The following UBAP2L variants were observed in gnomAD, a reference collection of about 807,000 sequenced individuals.
UBAP2L encodes ubiquitin-associated protein 2-like.
A neutral mutation model predicts 130.6 loss-of-function variants in UBAP2L; 12 were observed. That is an observed-to-expected ratio of 0.09 (90% CI 0.06 to 0.15). UBAP2L has a LOEUF of 0.15. Ranked by LOEUF, UBAP2L falls within the 10% of genes least tolerant of loss-of-function variation. The pLI, the probability that UBAP2L is intolerant of heterozygous loss-of-function variation, is 1.00. For synonymous variants in UBAP2L, 503 were observed against 524.7 expected, an observed-to-expected ratio of 0.96 and a Z score of 0.57; for missense variants, 965 against 1,332.5, an observed-to-expected ratio of 0.72 and a Z score of 4.29.
At chr1:154,256,342 A>C (rs1403364477) in intron 18 of UBAP2L, among the ~76,000 whole-genome samples, 3 of 152,314 alleles carry the variant, frequency 2.0e-5, no homozygotes, top group South Asian at 2.1e-4. Flanking sequence ...TTCAGATTTA[A>C]AGTCAGAATT....
At chr1:154,224,485 A>G (rs1667329507) in intron 1 of UBAP2L, among the ~76,000 whole-genome samples, 1 of 152,178 alleles carries the variant, frequency 6.6e-6, no homozygotes, top group Admixed American at 6.5e-5. Flanking sequence ...AAAAAAACAA[A>G]AAACCCCCAC....
Position 154,237,017 on chromosome 1 carries a change from T to G in UBAP2L, c.591-7T>G. 1 of 1,612,332 alleles carries G rather than the reference T, an allele frequency of 6.2e-7. No homozygotes were observed. Among genetic ancestry groups the G allele is most frequent in the Non-Finnish European group, 8.5e-7 (1 of 1,178,836 alleles). On this transcript the variant is annotated splice_polypyrimidine_tract_variant and splice_region_variant and intron_variant, in intron 7 of 26. Transcript: ENST00000428931. ...GGTCAGAGACTCTTAAGTTTTATTT[T>G]TTCCAGAACCTTTAACCCAGCTGAT...
At position 154,251,403 on chromosome 1, in the gene UBAP2L, TTAAAG is replaced by T. The variant is rs199803505; in HGVS notation, c.1492-77_1492-73del. ...AGATTAAAAGGGTAAGTTTGGAAATTTAAAGGGAAGGGTTTTTTTTAGTCTTTAGT... is the reference window on the plus strand; with the variant it reads ...AGATTAAAAGGGTAAGTTTGGAAATTGGAAGGGTTTTTTTTAGTCTTTAGT... On this transcript the variant is annotated intron_variant, in intron 13 of 26. Transcript: ENST00000428931. 1.2e-3 allele frequency: 1,855 copies of T among 1,574,754 alleles called. 24 individuals carry two copies. In the African/African-American group the frequency reaches 0.022, roughly 19 times the overall value.
At chr1:154,226,452 A>G (rs1345916158) in intron 2 of UBAP2L, among the ~76,000 whole-genome samples, 3 of 152,232 alleles carry the variant, frequency 2.0e-5, no homozygotes, top group Non-Finnish European at 4.4e-5. Flanking sequence ...CGAATATGTA[A>G]GATTAGGACA....
chr1:154,260,069 A>G, intron 22 of UBAP2L, 40 bp downstream of exon 22: 2 of 1,598,054 alleles, frequency 1.3e-6, no homozygotes, highest in Non-Finnish European at 1.7e-6. Context: ...AAAGGGAGAT[A>G]GTGTTGGGAT....
rs769086819 is a variant in UBAP2L, at chr1:154,255,250, A to G, written c.2008A>G (p.Asn670Asp). The G allele has an allele frequency of 1.2e-6, 2 of 1,614,222 alleles. No individual in the cohort carries two copies. Among genetic ancestry groups the G allele is most frequent in the East Asian group, 2.2e-5 (1 of 44,884 alleles). The change falls in exon 17 of 27, where the codon AAT becomes GAT. Residue 670 changes from asparagine to aspartate, a missense_variant. By Grantham distance (23) the Asn-to-Asp change is conservative. Transcript: ENST00000428931. Reference sequence around the variant, plus strand: ...TGCAGCTTCCTTACTGACGACAACCAATCAGCATTCATCCTCCTTGGGTGG... The same window carrying G: ...TGCAGCTTCCTTACTGACGACAACCGATCAGCATTCATCCTCCTTGGGTGG... ...VSAASLLTTT[N>D]QHSSSLGGLS...
chr1:154,265,520 G>A (rs1200037040), intron 24 of UBAP2L, among the ~76,000 whole-genome samples: 6 of 152,042 alleles, frequency 3.9e-5, no homozygotes, highest in Non-Finnish European at 8.8e-5. Context: ...TCACATCTTT[G>A]TTTCAAAATG....
rs565118879 is a variant in UBAP2L, at chr1:154,269,449, C to T, written c.3168+495C>T. 4 of 1,300,244 alleles carry T rather than the reference C, an allele frequency of 3.1e-6. No homozygotes were observed. In the African/African-American group the frequency reaches 6.1e-5, roughly 20 times the overall value. 80.5% of individuals were successfully genotyped at this position (1,300,244 alleles called of 1,614,324 possible). On this transcript the variant is annotated intron_variant, in intron 26 of 26. Coordinates refer to ENST00000428931, the MANE Select transcript of UBAP2L (RefSeq NM_014847.4). ...GAATGATCATATGCTTGAACCCACT[C>T]CTTTTCAGTCCCCATTTCACCTTCA...
chr1:154,238,048 C>G (rs750698803), intron 8 of UBAP2L, among the ~76,000 whole-genome samples: 50 of 152,138 alleles, frequency 3.3e-4, no homozygotes, highest in Non-Finnish European at 5.7e-4. Flanking sequence ...GACTCCTTAC[C>G]TGTTTAAATT....
At chr1:154,257,553 A>G (rs1278709180) in intron 20 of UBAP2L, 119 bp downstream of exon 20, 1 of 1,046,960 alleles carries the variant, frequency 9.6e-7, no homozygotes, top group Non-Finnish European at 1.4e-6. Flanking sequence ...CAAGCCCTGC[A>G]GTTGGCTCTG....
At position 154,234,551 on chromosome 1, in the gene UBAP2L, C is replaced by T. The variant is rs762909916; in HGVS notation, c.280-40C>T. 10 of 1,607,570 alleles carry T rather than the reference C, an allele frequency of 6.2e-6. No homozygotes were observed. In the South Asian group the frequency reaches 1.1e-4, roughly 18 times the overall value. ...TTTCATCTCTAGTGTCCTGATAGCA[C>T]TCCATATTGATTAGATATGAATGCT... On this transcript the variant is annotated intron_variant, in intron 4 of 26. Coordinates refer to ENST00000428931, the MANE Select transcript of UBAP2L (RefSeq NM_014847.4).
rs1216331186 is a variant in UBAP2L at position 154,246,204 on chromosome 1, A to G, written c.843A>G (p.Arg281=). 1.2e-6 allele frequency: 2 copies of G among 1,606,398 alleles called. No individual in the cohort carries two copies. Among genetic ancestry groups the G allele is most frequent in the Non-Finnish European group, 8.5e-7 (1 of 1,174,250 alleles). The change falls in exon 11 of 27, where the codon AGA becomes AGG. Residue 281 remains arginine (R), a splice_region_variant and synonymous_variant. Transcript: ENST00000428931. The part of the protein sequence containing the change: ...AENVTITAGQ[R]IDLAVLLGKT... Reference sequence around the variant, plus strand: ...GAAGATCCCTTCCCTTCCCCATTAGAATTGACCTTGCTGTTCTGCTGGGGA... The same window carrying G: ...GAAGATCCCTTCCCTTCCCCATTAGGATTGACCTTGCTGTTCTGCTGGGGA...
chr1:154,235,552 C>T (rs1671381004), intron 6 of UBAP2L, among the ~76,000 whole-genome samples: 1 of 152,080 alleles, frequency 6.6e-6, no homozygotes, highest in African/African-American at 2.4e-5. Context: ...CACTGTCACC[C>T]AGGCTGGAGT....
rs565178440 is a variant in UBAP2L at position 154,260,746 on chromosome 1, T to G, written c.2579-146T>G. 9.0e-6 allele frequency: 7 copies of G among 776,274 alleles called. No homozygotes were observed. In the South Asian group the frequency reaches 1.1e-4, roughly 12 times the overall value. 48.1% of individuals were successfully genotyped at this position (776,274 alleles called of 1,614,324 possible). A position where few individuals can be genotyped will look rare whatever the true frequency, so the allele number is the denominator to read the frequency against. Reference sequence around the variant, plus strand: ...TAAGTGTATGCTGAGCAACAATAATTGGAGCCACTAAGAAATGTAATTCAA... The same window carrying G: ...TAAGTGTATGCTGAGCAACAATAATGGGAGCCACTAAGAAATGTAATTCAA... On this transcript the variant is annotated intron_variant, in intron 22 of 26. Transcript: ENST00000428931.
At chr1:154,266,706 G>A (rs1234392400) in intron 25 of UBAP2L, 138 bp downstream of exon 25, 1 of 886,910 alleles carries the variant, frequency 1.1e-6, no homozygotes. Flanking sequence ...CTAAATGAAA[G>A]GTCTTCTCTA....
upstream of UBAP2L, chr1:154,220,629 G>A: frequency 1.7e-6 from 1 of 591,348 alleles, no homozygotes; most frequent in African/African-American, 1.9e-5. Context: ...CGTGACTCAG[G>A]CAGGCAATGG....
Position 154,270,697 on chromosome 1 carries a change from C to G in UBAP2L, c.*402C>G. 7.1e-7 allele frequency: 1 copy of G among 1,403,792 alleles called. No individual in the cohort carries two copies. Among genetic ancestry groups the G allele is most frequent in the Non-Finnish European group, 9.2e-7 (1 of 1,086,016 alleles). The allele number at this position is 1,403,792 out of a possible 1,614,324, so 87.0% of individuals were successfully genotyped here. The stretch of plus-strand genomic sequence containing the variant: ...TTTATTATTAGGAAAACAACAACAA[C>G]AACAAACAAAAAAATGGCGTCATGA... On this transcript the variant is annotated 3_prime_UTR_variant, in exon 27 of 27. Coordinates refer to ENST00000428931, the MANE Select transcript of UBAP2L (RefSeq NM_014847.4).
chr1:154,270,869 T>TG (rs1684632399), downstream of UBAP2L: 4 of 1,547,512 alleles, frequency 2.6e-6, no homozygotes, highest in Non-Finnish European at 3.5e-6. Context: ...TGCCTATTCT[T>TG]GCTCCGTCTA....
chr1:154,252,629 C>T (rs769794269), intron 14 of UBAP2L, among the ~76,000 whole-genome samples: 3 of 150,666 alleles, frequency 2.0e-5, no homozygotes, highest in Non-Finnish European at 4.4e-5. Context: ...GTGCAATCTC[C>T]GCTCACTGCA....
Sources: gnomAD v4.1 joint callset for allele counts (sites outside exome capture counted in the v4.1 genomes callset) on GRCh38, gnomAD v4.1.1 for gene constraint, MANE v1.5 for transcripts, NCBI Gene and HGNC (gene_info 2026-07-23, HGNC 2026-07-21) for gene names.